Variants in CACNA1C observed in about 807,000 individuals in gnomAD.
The protein encoded by CACNA1C is calcium voltage-gated channel subunit alpha1 C.
Under a neutral mutation model 229.0 loss-of-function variants are expected in CACNA1C, and 30 were observed. That is an observed-to-expected ratio of 0.13 (90% CI 0.10 to 0.18). CACNA1C has a LOEUF of 0.18. Ranked by LOEUF, CACNA1C falls within the 10% of genes least tolerant of loss-of-function variation. The probability of loss-of-function intolerance (pLI) is 1.00; values close to 1 mark genes in which losing one functional copy is unlikely to be tolerated. For missense variants in CACNA1C, 1,658 were observed against 2,845.0 expected (o/e 0.58, Z 9.49); for synonymous variants, 1,114 against 1,132.5 (o/e 0.98, Z 0.33).
chr12:2,356,380 C>A (rs540220456), intron 3 of CACNA1C, among the ~76,000 whole-genome samples: 30 of 152,346 alleles, frequency 2.0e-4, no homozygotes, highest in African/African-American at 6.3e-4. Context: ...TGGAAAAGTG[C>A]AGGACTGTCC....
chr12:2,579,109 G>C (rs1003559109), intron 13 of CACNA1C, among the ~76,000 whole-genome samples: 3 of 152,036 alleles, frequency 2.0e-5, no homozygotes, highest in Admixed American at 1.3e-4. Flanking sequence ...ACGGCACCTG[G>C]CCCTCTCCCT....
chr12:2,634,072 G>A (rs2091797328), intron 29 of CACNA1C, among the ~76,000 whole-genome samples: 1 of 152,214 alleles, frequency 6.6e-6, no homozygotes, highest in Non-Finnish European at 1.5e-5. Flanking sequence ...TCTGCACCCT[G>A]CGAAAACCAG....
intron 1 of CACNA1C, among the ~76,000 whole-genome samples, chr12:2,041,968 C>T (rs992990363): frequency 2.0e-5 from 3 of 152,152 alleles, no homozygotes; most frequent in African/African-American, 7.2e-5. Flanking sequence ...GTTGACATCC[C>T]AAAAGTTTCA....
intron 3 of CACNA1C, among the ~76,000 whole-genome samples, chr12:2,298,222 C>A (rs1292858211): frequency 6.6e-6 from 1 of 152,224 alleles, no homozygotes; most frequent in Admixed American, 6.5e-5. Context: ...CAGCAATAGT[C>A]TCAGCCTTCT....
intron 1 of CACNA1C, among the ~76,000 whole-genome samples, chr12:2,112,344 A>G (rs956873630): frequency 1.3e-5 from 2 of 150,576 alleles, no homozygotes; most frequent in Admixed American, 6.6e-5. Flanking sequence ...TCCTCACGTT[A>G]GGCTTGGGAT....
At chr12:1,984,113 T>C (rs1329917185) in intron 1 of CACNA1C, among the ~76,000 whole-genome samples, 1 of 152,096 alleles carries the variant, frequency 6.6e-6, no homozygotes, top group Admixed American at 6.5e-5. Flanking sequence ...TTAACCTATC[T>C]ATATTGTTAC....
rs539728504 is a variant in CACNA1C at position 2,549,870 on chromosome 12, C to G, written c.1391-73C>G. On this transcript the variant is annotated intron_variant, in intron 9 of 46. Transcript: ENST00000399655. The stretch of plus-strand genomic sequence containing the variant: ...ACTGGGTCTTGCGGTGGGCGTGTTG[C>G]AAACTACTGCTCTTCTGTTCCCTTG... The G allele has an allele frequency of 2.7e-6, 3 of 1,123,880 alleles. No individual in the cohort carries two copies. The African/African-American group carries it at 5.2e-5, about 20-fold the overall frequency. The allele number at this position is 1,123,880 out of a possible 1,614,324, so 69.6% of individuals were successfully genotyped here.
At position 2,153,675 on chromosome 12, in the gene CACNA1C, T is replaced by G. The variant is rs892703756; in HGVS notation, c.477+33245T>G. Among the ~76,000 whole-genome samples the G allele has an allele frequency of 2.6e-5, 4 of 152,334 alleles. No individual in the cohort carries two copies. The East Asian group carries it at 7.7e-4, about 29-fold the overall frequency. On this transcript the variant is annotated intron_variant, in intron 3 of 46. Coordinates refer to ENST00000399655, the MANE Select transcript of CACNA1C (RefSeq NM_000719.7). ...CCGTGTTGACAGGGACCATGAGGCC[T>G]CCGCCCTGCAGTTTTCCTTTGTCCT...
chr12:2,481,455 C>T (rs573540540), intron 5 of CACNA1C, among the ~76,000 whole-genome samples: 10 of 152,346 alleles, frequency 6.6e-5, no homozygotes, highest in African/African-American at 1.4e-4. Flanking sequence ...AGAGGGAATG[C>T]GGGCAGCACT....
rs1433049312 is a variant in CACNA1C, at chr12:2,348,203, G to A, written c.478-100773G>A. ...AGCCGGAGGAGCTGGGCAGTGCAGC[G>A]AGGCGCCAGCTGTGCCTGACTCCTG... On this transcript the variant is annotated intron_variant, in intron 3 of 46. Coordinates refer to ENST00000399655, the MANE Select transcript of CACNA1C (RefSeq NM_000719.7). The surrounding 1 kb of genome is among the most constrained non-coding windows in gnomAD (Gnocchi z 4.7). Among the ~76,000 whole-genome samples the A allele has an allele frequency of 1.3e-5, 2 of 152,206 alleles. No homozygotes were observed. The highest frequency in any genetic ancestry group is 2.4e-5 in the African/African-American group (1 of 41,472).
At chr12:2,258,608 G>T (rs2078886895) in intron 3 of CACNA1C, among the ~76,000 whole-genome samples, 1 of 152,188 alleles carries the variant, frequency 6.6e-6, no homozygotes, top group Non-Finnish European at 1.5e-5. Flanking sequence ...TGGGGTAACT[G>T]GGACTGGGTT....
intron 1 of CACNA1C, among the ~76,000 whole-genome samples, chr12:1,977,690 T>A (rs1209825663): frequency 6.6e-6 from 1 of 152,228 alleles, no homozygotes; most frequent in East Asian, 1.9e-4. Flanking sequence ...ATAGCCTAGA[T>A]AATTAGCAAC....
rs1243048110 is a variant in CACNA1C, at chr12:2,695,302, G to A, written c.*4103G>A. ...TGTGGTGGAGCCGCTGACATCTCAAGGATCTATTTGGGAAGGTGAGAAGAG... is the reference window on the plus strand; with the variant it reads ...TGTGGTGGAGCCGCTGACATCTCAAAGATCTATTTGGGAAGGTGAGAAGAG... On this transcript the variant is annotated 3_prime_UTR_variant, in exon 47 of 47. Transcript: ENST00000399655. The A allele has an allele frequency of 2.6e-5, 4 of 152,294 alleles. No homozygotes were observed. Among genetic ancestry groups the A allele is most frequent in the East Asian group, 1.9e-4 (1 of 5,194 alleles). 9.4% of individuals were successfully genotyped at this position (152,294 alleles called of 1,614,324 possible).
chr12:2,611,860 C>T (rs2077980941), intron 28 of CACNA1C, 43 bp from the exon 29 acceptor site: 2 of 1,279,224 alleles, frequency 1.6e-6, no homozygotes, highest in African/African-American at 2.9e-5. Flanking sequence ...GAGGAGCGAC[C>T]TCCCTGCCCC....
chr12:2,002,266 T>A (rs113124408), intron 1 of CACNA1C, among the ~76,000 whole-genome samples: 9 of 152,304 alleles, frequency 5.9e-5, no homozygotes, highest in African/African-American at 2.2e-4. Context: ...CATATTCTTA[T>A]TAGGTTTACA....
At chr12:2,581,563 G>A in intron 13 of CACNA1C, 27 bp from the exon 14 acceptor site, 1 of 1,536,412 alleles carries the variant, frequency 6.5e-7, no homozygotes, top group Non-Finnish European at 8.8e-7. Context: ...GGGGCAGAGT[G>A]CTGACCTCCC....
At chr12:2,368,050 G>A (rs2097767423) in intron 3 of CACNA1C, among the ~76,000 whole-genome samples, 2 of 152,064 alleles carry the variant, frequency 1.3e-5, no homozygotes, top group African/African-American at 4.8e-5. Flanking sequence ...ATTCAATGCT[G>A]GGAAATTTAA....
Position 2,137,669 on chromosome 12 carries a change from T to C in CACNA1C, c.477+17239T>C, listed in dbSNP as rs546171097. 2.4e-4 allele frequency among the ~76,000 whole-genome samples: 36 copies of C among 151,520 alleles called. 1 individual carries two copies. The highest frequency in any genetic ancestry group is 1.9e-3 in the Admixed American group (28 of 15,110). On this transcript the variant is annotated intron_variant, in intron 3 of 46. Coordinates refer to ENST00000399655, the MANE Select transcript of CACNA1C (RefSeq NM_000719.7). ...TGTTATGATTCAAACTAGACAGATA[T>C]ATTTGTCTCTAAAATACTTACTGTT...
intron 3 of CACNA1C, among the ~76,000 whole-genome samples, chr12:2,166,672 G>A (rs1200920194): frequency 2.6e-5 from 4 of 152,194 alleles, no homozygotes; most frequent in Admixed American, 6.5e-5. Flanking sequence ...GACTAAATGG[G>A]TTAGTATTTG....
Sources: allele counts gnomAD v4.1 joint callset (sites outside exome capture counted in the v4.1 genomes callset), GRCh38; gene constraint gnomAD v4.1.1; non-coding constraint Gnocchi (gnomAD v3.1); transcripts MANE v1.5; gene names NCBI Gene and HGNC (gene_info 2026-07-23, HGNC 2026-07-21).